Variants in COL8A1 observed in about 807,000 individuals in gnomAD.
COL8A1 encodes collagen alpha-1(VIII) chain.
Under a neutral mutation model 42.7 loss-of-function variants are expected in COL8A1, and 21 were observed. The ratio of observed to expected loss-of-function variants is 0.49; its 90% CI spans 0.35 to 0.71. The LOEUF is 0.71. COL8A1 is among the 30% of genes least tolerant of loss of function. The probability of loss-of-function intolerance (pLI) is 0.01; values close to 1 mark genes in which losing one functional copy is unlikely to be tolerated. For missense variants in COL8A1, 788 were observed against 962.4 expected (o/e 0.82, Z 2.40); for synonymous variants, 367 against 369.1 (o/e 0.99, Z 0.06).
chr3:99,723,255 C>G (rs377119866), intron 1 of COL8A1, among the ~76,000 whole-genome samples: 4 of 151,918 alleles, frequency 2.6e-5, no homozygotes, highest in African/African-American at 7.3e-5. Context: ...GGAAAAGATT[C>G]CTGGAGAGGT....
chr3:99,773,837 A>ATATATATATATATATATATTT (rs1200212756), intron 2 of COL8A1, among the ~76,000 whole-genome samples: 5 of 45,402 alleles, frequency 1.1e-4, no homozygotes, highest in African/African-American at 1.3e-4. Flanking sequence ...ATATATATAT[A>ATATATATATATATATATATTT]TTTTTTTTTT....
chr3:99,735,022 G>T (rs1215053213), intron 1 of COL8A1, among the ~76,000 whole-genome samples: 5 of 151,852 alleles, frequency 3.3e-5, no homozygotes, highest in African/African-American at 1.2e-4. Context: ...CTTTGCTGAA[G>T]TTGCTTATCA....
intron 2 of COL8A1, among the ~76,000 whole-genome samples, chr3:99,776,329 A>AT (rs981220759): frequency 1.3e-5 from 2 of 152,152 alleles, no homozygotes; most frequent in South Asian, 2.1e-4. Context: ...GGTTCTTTGT[A>AT]TTTTTTTTCA....
In COL8A1 at chr3:99,796,096, T is replaced by C; in HGVS notation, c.2195T>C (p.Val732Ala). 6.4e-7 allele frequency: 1 copy of C among 1,550,696 alleles called. No individual in the cohort carries two copies. Among genetic ancestry groups the C allele is most frequent in the African/African-American group, 1.4e-5 (1 of 72,518 alleles). Residue 732 changes from valine (V) to alanine (A), a missense_variant, in exon 4 of 4, where the codon GTC (valine) becomes GCC (alanine). This residue lies in a region of COL8A1 where 212 missense variants were observed against 210.9 expected (regional missense o/e 1.00). Transcript: ENST00000652472. ...GCAGGACTGTATGCCGGGCAGTATGTCCACTCCTCCTTTTCAGGATATTTA... is the reference window on the plus strand; with the variant it reads ...GCAGGACTGTATGCCGGGCAGTATGCCCACTCCTCCTTTTCAGGATATTTA... ...QAAGLYAGQY[V>A]HSSFSGYLLY...
At chr3:99,713,055 T>G (rs1939890869) in intron 1 of COL8A1, among the ~76,000 whole-genome samples, 1 of 152,134 alleles carries the variant, frequency 6.6e-6, no homozygotes, top group South Asian at 2.1e-4. Flanking sequence ...CTGATAATAG[T>G]AGCTAATATT....
intron 2 of COL8A1, among the ~76,000 whole-genome samples, chr3:99,749,497 G>C (rs930111074): frequency 6.6e-6 from 1 of 152,176 alleles, no homozygotes; most frequent in Non-Finnish European, 1.5e-5. Flanking sequence ...GGAATATTGA[G>C]CAGTAAGACC....
chr3:99,674,922 T>C (rs1332476184), intron 1 of COL8A1, among the ~76,000 whole-genome samples: 1 of 152,138 alleles, frequency 6.6e-6, no homozygotes, highest in Non-Finnish European at 1.5e-5. Flanking sequence ...AGCATTAGTT[T>C]CTCCACTACA....
At chr3:99,732,290 A>G (rs1940532625) in intron 1 of COL8A1, among the ~76,000 whole-genome samples, 1 of 152,156 alleles carries the variant, frequency 6.6e-6, no homozygotes, top group African/African-American at 2.4e-5. Context: ...CCAAATATCC[A>G]GGTGTATTAG....
chr3:99,713,560 AC>A (rs1939906233), intron 1 of COL8A1, among the ~76,000 whole-genome samples: 1 of 152,114 alleles, frequency 6.6e-6, no homozygotes. Context: ...GTTACTTGAA[AC>A]CTGCATCAGT....
At chr3:99,698,734 A>T (rs1354479521) in intron 1 of COL8A1, among the ~76,000 whole-genome samples, 3 of 152,214 alleles carry the variant, frequency 2.0e-5, no homozygotes, top group African/African-American at 7.2e-5. Context: ...TATGTACTGT[A>T]TGTATATTTC....
At position 99,703,843 on chromosome 3, in the gene COL8A1, A is replaced by G. The variant is rs149563135; in HGVS notation, c.-128-41054A>G. ...GATTTTCAACCCTCACTCCTAGACA[A>G]CCTGTGTTTCTCTAATTATTTAAAA... On this transcript the variant is annotated intron_variant, in intron 1 of 3. Transcript: ENST00000652472. Among the ~76,000 whole-genome samples the G allele has an allele frequency of 9.3e-4, 142 of 152,116 alleles. 1 individual carries two copies. The highest frequency in any genetic ancestry group is 3.3e-3 in the African/African-American group (135 of 41,484).
At chr3:99,679,442 T>C (rs1273574002) in intron 1 of COL8A1, 1 of 152,100 alleles carries the variant, frequency 6.6e-6, no homozygotes, top group African/African-American at 2.4e-5. Flanking sequence ...ATCCAATAAG[T>C]TGTGGAAAGT....
intron 2 of COL8A1, among the ~76,000 whole-genome samples, chr3:99,748,745 T>G (rs2107410692): frequency 6.6e-6 from 1 of 152,268 alleles, no homozygotes; most frequent in Non-Finnish European, 1.5e-5. Flanking sequence ...CAAGGTAGAT[T>G]AGCAGCAATG....
intron 1 of COL8A1, among the ~76,000 whole-genome samples, chr3:99,713,580 C>T (rs552464822): frequency 6.6e-6 from 1 of 152,212 alleles, no homozygotes; most frequent in South Asian, 2.1e-4. Flanking sequence ...GTAAGACGTT[C>T]AGTGCCTTCC....
At position 99,796,163 on chromosome 3, in the gene COL8A1, A is replaced by C. The variant is rs1942105794; in HGVS notation, c.*27A>C. The C allele has an allele frequency of 6.9e-7, 1 of 1,446,196 alleles. No homozygotes were observed. The highest frequency in any genetic ancestry group is 9.1e-7 in the Non-Finnish European group (1 of 1,094,038). The allele number at this position is 1,446,196 out of a possible 1,614,324, so 89.6% of individuals were successfully genotyped here. On this transcript the variant is annotated 3_prime_UTR_variant, in exon 4 of 4. Coordinates refer to ENST00000652472, the MANE Select transcript of COL8A1 (RefSeq NM_020351.4). The stretch of plus-strand genomic sequence containing the variant: ...AACAAAAAAACAAAAAACAAAGAAA[A>C]GAAAGAGATTTTATAGAAGAAAATG...
intron 1 of COL8A1, among the ~76,000 whole-genome samples, chr3:99,737,227 T>C (rs185930669): frequency 1.1e-4 from 17 of 152,314 alleles, no homozygotes; most frequent in Admixed American, 9.1e-4. Flanking sequence ...ATTTAGTCCA[T>C]TTACATTTAA....
chr3:99,758,821 G>A (rs1941310055), intron 2 of COL8A1, among the ~76,000 whole-genome samples: 1 of 152,096 alleles, frequency 6.6e-6, no homozygotes, highest in Admixed American at 6.6e-5. Flanking sequence ...CTACCACTGA[G>A]ACTGGAACCT....
intron 1 of COL8A1, among the ~76,000 whole-genome samples, chr3:99,715,334 G>A (rs1424432139): frequency 6.6e-6 from 1 of 152,046 alleles, no homozygotes; most frequent in East Asian, 1.9e-4. Flanking sequence ...GACAGTAAGA[G>A]GTGAATATAT....
intron 1 of COL8A1, among the ~76,000 whole-genome samples, chr3:99,715,090 C>G (rs561718985): frequency 6.6e-6 from 1 of 152,138 alleles, no homozygotes; most frequent in Non-Finnish European, 1.5e-5. Context: ...CATAGGACGT[C>G]TAGCCTAAGG....
Sources: allele counts gnomAD v4.1 joint callset (sites outside exome capture counted in the v4.1 genomes callset), GRCh38; gene constraint gnomAD v4.1.1; regional missense constraint gnomAD v4.1.1; transcripts MANE v1.5; gene names NCBI Gene and HGNC (gene_info 2026-07-23, HGNC 2026-07-21).